The following IL1RAPL1 variants were observed in gnomAD, a reference collection of about 807,000 sequenced individuals.
The protein encoded by IL1RAPL1 is interleukin-1 receptor accessory protein-like 1.
A neutral mutation model predicts 48.4 loss-of-function variants in IL1RAPL1; 3 were observed. That is an observed-to-expected ratio of 0.06 (90% CI 0.03 to 0.16). IL1RAPL1 has a LOEUF of 0.16. Among genes scored for constraint, IL1RAPL1 ranks in the 10% least tolerant of loss-of-function variants. The pLI is 1.00. For missense variants in IL1RAPL1, 349 were observed against 530.6 expected (o/e 0.66, Z 3.36); for synonymous variants, 185 against 187.7 (o/e 0.99, Z 0.12).
intron 9 of IL1RAPL1, among the ~76,000 whole-genome samples, chrX:29,951,699 C>T (rs766522849): frequency 8.9e-6 from 1 of 111,772 alleles, no homozygotes; most frequent in South Asian, 3.8e-4. Flanking sequence ...TTTTATGTTA[C>T]TAAAATTAAA....
rs527611433 is a variant in IL1RAPL1 at position 29,719,638 on chromosome X, T to A, written c.778+51134T>A. Among the ~76,000 whole-genome samples the A allele has an allele frequency of 1.0e-3, 108 of 106,240 alleles. 1 individual carries two copies. In the South Asian group the frequency reaches 0.043, roughly 43 times the overall value. 92.3% of individuals were successfully genotyped at this position (106,240 alleles called of 115,157 possible). Reference sequence around the variant, plus strand: ...ACAAATGCCCTCTAAGCTCTCAGGATAAGTTGGGGGAGGAAAATGAAAACA... The same window carrying A: ...ACAAATGCCCTCTAAGCTCTCAGGAAAAGTTGGGGGAGGAAAATGAAAACA... On this transcript the variant is annotated intron_variant, in intron 6 of 10. Transcript: ENST00000378993.
rs151216813 is a variant in IL1RAPL1 at position 29,294,988 on chromosome X, A to G, written c.362+11771A>G. On this transcript the variant is annotated intron_variant, in intron 3 of 10. Coordinates refer to ENST00000378993, the MANE Select transcript of IL1RAPL1 (RefSeq NM_014271.4). ...CCTGGAAGTACCTTACAGGAATTCTATGAAACCAGAGAAATTAGAAAATGG... is the reference window on the plus strand; with the variant it reads ...CCTGGAAGTACCTTACAGGAATTCTGTGAAACCAGAGAAATTAGAAAATGG... 6.8e-3 allele frequency among the ~76,000 whole-genome samples: 755 copies of G among 111,657 alleles called. 10 individuals carry two copies. Among genetic ancestry groups the G allele is most frequent in the African/African-American group, 0.021 (653 of 30,798 alleles).
At chrX:28,747,515 C>T (rs1423441811) in intron 1 of IL1RAPL1, among the ~76,000 whole-genome samples, 1 of 110,778 alleles carries the variant, frequency 9.0e-6, no homozygotes, top group African/African-American at 3.3e-5. Context: ...GTGGCGCACA[C>T]CTGTAATCCC....
At chrX:29,151,171 A>T in intron 2 of IL1RAPL1, among the ~76,000 whole-genome samples, 1 of 111,379 alleles carries the variant, frequency 9.0e-6, no homozygotes. Context: ...AAACTATCAC[A>T]TTAAGAAGCA....
At chrX:28,728,364 T>G (rs756528328) in intron 1 of IL1RAPL1, among the ~76,000 whole-genome samples, 5 of 111,988 alleles carry the variant, frequency 4.5e-5, no homozygotes, top group African/African-American at 1.6e-4. Context: ...ACATTTGTTC[T>G]GGCAATACCT....
At chrX:28,595,083 T>A (rs1420270856) in intron 1 of IL1RAPL1, among the ~76,000 whole-genome samples, 1 of 112,321 alleles carries the variant, frequency 8.9e-6, no homozygotes, top group Non-Finnish European at 1.9e-5. Context: ...AGCTACACTT[T>A]ATCCCACTTT....
chrX:29,882,725 T>A (rs1932057219), intron 6 of IL1RAPL1, among the ~76,000 whole-genome samples: 1 of 112,228 alleles, frequency 8.9e-6, no homozygotes, highest in Non-Finnish European at 1.9e-5. Context: ...TCTATATTAA[T>A]GCTTAACACA....
intron 2 of IL1RAPL1, among the ~76,000 whole-genome samples, chrX:29,136,791 C>A (rs1449344483): frequency 2.7e-5 from 3 of 111,904 alleles, no homozygotes; most frequent in Non-Finnish European, 3.8e-5. Context: ...ATGCTTAGTA[C>A]AATGCCTGGG....
At chrX:29,017,350 G>A (rs188464418) in intron 2 of IL1RAPL1, among the ~76,000 whole-genome samples, 3 of 112,032 alleles carry the variant, frequency 2.7e-5, no homozygotes, top group Non-Finnish European at 3.8e-5. Flanking sequence ...TATAGTAAGC[G>A]TTTATCTCTC....
intron 5 of IL1RAPL1, among the ~76,000 whole-genome samples, chrX:29,456,374 T>G (rs1256007850): frequency 8.9e-6 from 1 of 111,827 alleles, no homozygotes; most frequent in Non-Finnish European, 1.9e-5. Flanking sequence ...CATGGCTAAC[T>G]GTTATAAAAC....
intron 2 of IL1RAPL1, among the ~76,000 whole-genome samples, chrX:28,987,904 G>C (rs1036094219): frequency 5.4e-5 from 6 of 111,779 alleles, no homozygotes; most frequent in Non-Finnish European, 3.8e-5. Flanking sequence ...ATTCAGCCCT[G>C]CTTTTGAGCA....
chrX:29,280,658 C>A (rs1279608696), intron 2 of IL1RAPL1, among the ~76,000 whole-genome samples: 1 of 112,014 alleles, frequency 8.9e-6, no homozygotes, highest in Non-Finnish European at 1.9e-5. Flanking sequence ...CAATTCTAGG[C>A]ACTGTGGCTA....
At chrX:28,768,775 A>C (rs1936277605) in intron 1 of IL1RAPL1, among the ~76,000 whole-genome samples, 1 of 80,565 alleles carries the variant, frequency 1.2e-5, no homozygotes, top group Admixed American at 1.5e-4. Context: ...ATATATATAT[A>C]TATACACACA....
chrX:29,952,332 C>CA (rs1267208990), intron 9 of IL1RAPL1, among the ~76,000 whole-genome samples: 3 of 111,437 alleles, frequency 2.7e-5, no homozygotes, highest in Non-Finnish European at 5.7e-5. Flanking sequence ...AGCATATGCC[C>CA]AAAATAATAC....
chrX:28,602,036 C>T (rs375152225), intron 1 of IL1RAPL1, among the ~76,000 whole-genome samples: 21 of 102,493 alleles, frequency 2.0e-4, no homozygotes, highest in African/African-American at 5.1e-4. Context: ...ACCTGGGAGG[C>T]GGAGGTTACA....
At chrX:28,933,618 A>T (rs981429941) in intron 2 of IL1RAPL1, among the ~76,000 whole-genome samples, 2 of 111,324 alleles carry the variant, frequency 1.8e-5, no homozygotes, top group African/African-American at 3.3e-5. Flanking sequence ...GGGTTCTTAG[A>T]CCTCACACAA....
chrX:29,505,031 G>A (rs1378819608), intron 5 of IL1RAPL1, among the ~76,000 whole-genome samples: 4 of 110,658 alleles, frequency 3.6e-5, no homozygotes, highest in Non-Finnish European at 7.6e-5. Flanking sequence ...TTACTATGAG[G>A]CTTATGAAAC....
chrX:29,556,421 G>C (rs1017567096), intron 5 of IL1RAPL1, among the ~76,000 whole-genome samples: 9 of 111,305 alleles, frequency 8.1e-5, no homozygotes, highest in African/African-American at 2.9e-4. Context: ...TGTTGAGGAG[G>C]ATGGATTGCT....
At chrX:29,041,799 A>G (rs1926852566) in intron 2 of IL1RAPL1, among the ~76,000 whole-genome samples, 2 of 112,323 alleles carry the variant, frequency 1.8e-5, no homozygotes, top group South Asian at 7.3e-4. Context: ...GTACAGTATA[A>G]TTGTTGTCAC....
Sources: gnomAD v4.1 joint callset for allele counts (sites outside exome capture counted in the v4.1 genomes callset) on GRCh38, gnomAD v4.1.1 for gene constraint, MANE v1.5 for transcripts, NCBI Gene and HGNC (gene_info 2026-07-23, HGNC 2026-07-21) for gene names.